Variants in HSD17B12 observed in about 807,000 individuals in gnomAD.
HSD17B12 encodes hydroxysteroid 17-beta dehydrogenase 12, also known as very-long-chain 3-oxoacyl-CoA reductase.
Under a neutral mutation model 39.3 loss-of-function variants are expected in HSD17B12, and 32 were observed. The ratio of observed to expected loss-of-function variants is 0.81; its 90% CI spans 0.61 to 1.09. The LOEUF is 1.09. Ranked by LOEUF, HSD17B12 falls within the 50% of genes least tolerant of loss-of-function variation. The probability of loss-of-function intolerance (pLI) is 0.00; values close to 1 mark genes in which losing one functional copy is unlikely to be tolerated. For missense variants in HSD17B12, 342 were observed against 382.9 expected, an observed-to-expected ratio of 0.89 and a Z score of 0.89; for synonymous variants, 150 against 146.7, an observed-to-expected ratio of 1.02 and a Z score of -0.16.
chr11:43,629,904 C>T, the HSD17B12 span, among the ~76,000 whole-genome samples: 49 of 152,186 alleles, frequency 3.2e-4, no homozygotes, highest in African/African-American at 1.2e-3. Context: ...GTGTTTGTTT[C>T]ATTTGTTGAG....
the HSD17B12 span, among the ~76,000 whole-genome samples, chr11:43,633,937 G>A: frequency 1.3e-5 from 2 of 151,834 alleles, no homozygotes; most frequent in South Asian, 2.1e-4. Flanking sequence ...ACCCAGGCAT[G>A]GTGGCGCATG....
chr11:43,848,079 T>C lies in HSD17B12; in HGVS notation c.685-6636T>C, dbSNP rs368824500. On this transcript the variant is annotated intron_variant, in intron 9 of 10. Coordinates refer to ENST00000278353, the MANE Select transcript of HSD17B12 (RefSeq NM_016142.3). ...ACAAATATAAGTCTCCATCCTTTCT[T>C]CCTGTTAATTGCCAGTGACTATGAA... Among the ~76,000 whole-genome samples the C allele has an allele frequency of 1.3e-4, 20 of 152,324 alleles. 1 individual carries two copies. In the South Asian group the frequency reaches 4.1e-3, roughly 32 times the overall value.
At chr11:43,700,750 G>A (rs1220618838) in intron 1 of HSD17B12, among the ~76,000 whole-genome samples, 1 of 152,070 alleles carries the variant, frequency 6.6e-6, no homozygotes, top group African/African-American at 2.4e-5. Flanking sequence ...GGACACTTAG[G>A]TTGCTTCCAA....
intron 7 of HSD17B12, among the ~76,000 whole-genome samples, chr11:43,837,001 T>G (rs2139152): frequency 6.6e-6 from 1 of 152,130 alleles, no homozygotes; most frequent in Non-Finnish European, 1.5e-5. Context: ...AAAATCTTAA[T>G]GGGTTTCACA....
At chr11:43,756,366 A>G (rs1950507808) in intron 3 of HSD17B12, among the ~76,000 whole-genome samples, 1 of 152,174 alleles carries the variant, frequency 6.6e-6, no homozygotes, top group East Asian at 1.9e-4. Context: ...CCAAAGGGCC[A>G]AGATATACAG....
At chr11:43,666,849 T>A in the HSD17B12 span, among the ~76,000 whole-genome samples, 88 of 152,324 alleles carry the variant, frequency 5.8e-4, no homozygotes, top group African/African-American at 2.1e-3. Context: ...TTTCCTAAGA[T>A]CACTCTTAAG....
chr11:43,758,403 C>T (rs1222238158), intron 3 of HSD17B12, among the ~76,000 whole-genome samples: 1 of 152,116 alleles, frequency 6.6e-6, no homozygotes, highest in Non-Finnish European at 1.5e-5. Context: ...CTTGGGAGTC[C>T]AAGATTCTCA....
intron 1 of HSD17B12, among the ~76,000 whole-genome samples, chr11:43,725,623 A>G (rs567260622): frequency 1.3e-5 from 2 of 152,336 alleles, no homozygotes; most frequent in South Asian, 4.1e-4. Context: ...TCTAGGCACA[A>G]GGATTCATCC....
In HSD17B12 at chr11:43,727,232, C is replaced by T. The variant is rs1002775616; in HGVS notation, c.161-23679C>T. Reference sequence around the variant, plus strand: ...TGCTGTTAGACTGAGTAGCCCTTGTCGGAAGAAATGGTAGATTCCATCAGA... The same window carrying T: ...TGCTGTTAGACTGAGTAGCCCTTGTTGGAAGAAATGGTAGATTCCATCAGA... On this transcript the variant is annotated intron_variant, in intron 1 of 10. Transcript: ENST00000278353. Among the ~76,000 whole-genome samples the T allele has an allele frequency of 8.5e-5, 13 of 152,198 alleles. 1 individual carries two copies. The highest frequency in any genetic ancestry group is 3.4e-3 in the Middle Eastern group (1 of 294).
intron 3 of HSD17B12, among the ~76,000 whole-genome samples, chr11:43,776,910 A>G (rs544920929): frequency 0.015 from 2,266 of 152,224 alleles, 63 homozygotes; most frequent in African/African-American, 0.051. Context: ...AAGATCAGAT[A>G]GTTGTAGATA....
the HSD17B12 span, among the ~76,000 whole-genome samples, chr11:43,568,323 G>T: frequency 6.6e-6 from 1 of 152,088 alleles, no homozygotes; most frequent in Admixed American, 6.5e-5. Flanking sequence ...GGCTGGTCTT[G>T]ATCTTCTGAC....
At chr11:43,844,694 C>G (rs1338471570) in intron 9 of HSD17B12, among the ~76,000 whole-genome samples, 1 of 152,180 alleles carries the variant, frequency 6.6e-6, no homozygotes, top group Non-Finnish European at 1.5e-5. Context: ...ACTGAGCAAG[C>G]AGGAAGTAGC....
chr11:43,749,025 A>T (rs977042981), intron 1 of HSD17B12, among the ~76,000 whole-genome samples: 2 of 152,222 alleles, frequency 1.3e-5, no homozygotes, highest in Non-Finnish European at 2.9e-5. Context: ...GGCTGCTAAT[A>T]TAACAAAACA....
At chr11:43,656,339 T>C in the HSD17B12 span, among the ~76,000 whole-genome samples, 1 of 152,222 alleles carries the variant, frequency 6.6e-6, no homozygotes, top group Non-Finnish European at 1.5e-5. Flanking sequence ...TGTTGATCTT[T>C]TCAAAAAACC....
At chr11:43,651,366 G>A in the HSD17B12 span, among the ~76,000 whole-genome samples, 1 of 152,126 alleles carries the variant, frequency 6.6e-6, no homozygotes, top group Non-Finnish European at 1.5e-5. Context: ...AATTCTCAAA[G>A]TAAACTGAAA....
the HSD17B12 span, chr11:43,557,050 A>G: frequency 6.6e-6 from 1 of 152,148 alleles, no homozygotes; most frequent in Non-Finnish European, 1.5e-5. Context: ...GATTTGTATG[A>G]CTGACCATGA....
At chr11:43,757,667 A>C (rs12788091) in intron 3 of HSD17B12, among the ~76,000 whole-genome samples, 22 of 143,368 alleles carry the variant, frequency 1.5e-4, no homozygotes, top group African/African-American at 5.5e-4. Flanking sequence ...AAAAAAAAAA[A>C]CAAATAGGTA....
chr11:43,651,796 C>A, the HSD17B12 span, among the ~76,000 whole-genome samples: 6 of 152,238 alleles, frequency 3.9e-5, no homozygotes, highest in Admixed American at 2.0e-4. Context: ...CCAGGCTGGT[C>A]TTGAACTCCT....
At position 43,847,715 on chromosome 11, in the gene HSD17B12, CAAAAAA is replaced by C. The variant is rs749195210; in HGVS notation, c.685-6987_685-6982del. ...GGTGGCAGAGCAAGACTCTGCCTCA[CAAAAAA>C]AAAAAAAAAAAAGAGAAATCCTCTA... is the stretch of plus-strand genomic sequence containing the variant. On this transcript the variant is annotated intron_variant, in intron 9 of 10. Transcript: ENST00000278353. Among the ~76,000 whole-genome samples, 8 of 85,730 alleles carry C rather than the reference CAAAAAA, an allele frequency of 9.3e-5. No homozygotes were observed. The East Asian group carries it at 1.6e-3, about 17-fold the overall frequency. 56.2% of individuals were successfully genotyped at this position (85,730 alleles called of 152,430 possible).
Sources: allele counts gnomAD v4.1 joint callset (sites outside exome capture counted in the v4.1 genomes callset), GRCh38; gene constraint gnomAD v4.1.1; transcripts MANE v1.5; gene names NCBI Gene and HGNC (gene_info 2026-07-23, HGNC 2026-07-21).